The following PPP2R2C variants were observed in gnomAD, a reference collection of about 807,000 sequenced individuals.
PPP2R2C encodes the protein protein phosphatase 2, regulatory subunit B, gamma.
A neutral mutation model predicts 45.3 loss-of-function variants in PPP2R2C; 10 were observed. The observed-to-expected ratio is 0.22, with a 90% CI of 0.14 to 0.37. PPP2R2C has a LOEUF of 0.37. Among genes scored for constraint, PPP2R2C ranks in the 10% least tolerant of loss-of-function variants. PPP2R2C has a pLI of 1.00. For missense variants in PPP2R2C, 308 were observed against 619.7 expected (o/e 0.50, Z 5.34); for synonymous variants, 257 against 245.4 (o/e 1.05, Z -0.44).
chr4:6,438,905 G>C lies in PPP2R2C; in HGVS notation c.70+33255C>G, dbSNP rs147860006. ...TGGTATCCAGGTGTTCCCTGACACA[G>C]TGCGGGCACAGAGCAGGAGACAGAG... On this transcript the variant is annotated intron_variant, in intron 1 of 8. Transcript: ENST00000382599. 8.2e-4 allele frequency among the ~76,000 whole-genome samples: 125 copies of C among 152,306 alleles called. 1 individual carries two copies. Among genetic ancestry groups the C allele is most frequent in the African/African-American group, 2.8e-3 (117 of 41,564 alleles).
intron 2 of PPP2R2C, among the ~76,000 whole-genome samples, chr4:6,479,842 G>C (rs1345443821): frequency 6.6e-6 from 1 of 150,898 alleles, no homozygotes; most frequent in African/African-American, 2.4e-5. Context: ...ATCAATATTA[G>C]CATTGACATA....
intron 1 of PPP2R2C, among the ~76,000 whole-genome samples, chr4:6,387,502 C>T (rs753058097): frequency 1.3e-5 from 2 of 152,074 alleles, no homozygotes; most frequent in African/African-American, 2.4e-5. Flanking sequence ...TGAATTCAGT[C>T]GAAATATTCG....
intron 2 of PPP2R2C, among the ~76,000 whole-genome samples, chr4:6,506,228 G>A (rs1723225858): frequency 6.6e-6 from 1 of 152,114 alleles, no homozygotes; most frequent in East Asian, 1.9e-4. Flanking sequence ...TTTTTTCTGA[G>A]GTGATAAAAA....
At chr4:6,334,426 T>C (rs963167794) in intron 6 of PPP2R2C, among the ~76,000 whole-genome samples, 4 of 152,174 alleles carry the variant, frequency 2.6e-5, no homozygotes, top group African/African-American at 4.8e-5. Flanking sequence ...TGGACAATTA[T>C]AGACTGGGAC....
At chr4:6,548,237 G>GAAC (rs1725059570) in intron 1 of PPP2R2C, among the ~76,000 whole-genome samples, 1 of 151,784 alleles carries the variant, frequency 6.6e-6, no homozygotes, top group Non-Finnish European at 1.5e-5. Flanking sequence ...AGAAGAAGAA[G>GAAC]AAGAAGAAGA....
At chr4:6,350,088 G>C (rs1404723491) in intron 5 of PPP2R2C, 1 of 985,296 alleles carries the variant, frequency 1.0e-6, no homozygotes, top group Non-Finnish European at 1.2e-6. Flanking sequence ...AGGGAAAAAT[G>C]AGTTAAGGCA....
intron 1 of PPP2R2C, among the ~76,000 whole-genome samples, chr4:6,421,596 C>T (rs554967246): frequency 2.6e-5 from 4 of 152,102 alleles, no homozygotes; most frequent in Non-Finnish European, 5.9e-5. Flanking sequence ...CTGGAATGCT[C>T]ACGGGCAGAT....
intron 1 of PPP2R2C, among the ~76,000 whole-genome samples, chr4:6,426,520 A>G (rs1175034824): frequency 6.6e-6 from 1 of 152,200 alleles, no homozygotes; most frequent in African/African-American, 2.4e-5. Context: ...GTGCAGGGAA[A>G]TGTGTAATCA....
chr4:6,413,529 C>T lies in PPP2R2C; in HGVS notation c.71-32435G>A, dbSNP rs144527296. Among the ~76,000 whole-genome samples the T allele has an allele frequency of 6.4e-3, 978 of 152,292 alleles. 7 individuals are homozygous for T. The highest frequency in any genetic ancestry group is 0.022 in the African/African-American group (906 of 41,552). On this transcript the variant is annotated intron_variant, in intron 1 of 8. Transcript: ENST00000382599. ...CATCTCAGCCGGTAATTAAACCTGC[C>T]GGGCAGATGCTGGTGGGTGTGCATC...
intron 6 of PPP2R2C, among the ~76,000 whole-genome samples, chr4:6,343,793 T>C (rs527562922): frequency 6.6e-6 from 1 of 152,356 alleles, no homozygotes; most frequent in Non-Finnish European, 1.5e-5. Flanking sequence ...GGAGCAGATA[T>C]ATTACATCAA....
intron 1 of PPP2R2C, among the ~76,000 whole-genome samples, chr4:6,449,646 A>G (rs1400368165): frequency 6.6e-6 from 1 of 152,220 alleles, no homozygotes; most frequent in East Asian, 1.9e-4. Context: ...GCAGGAAAAC[A>G]AATCTCTAAG....
At chr4:6,470,417 A>T (rs1721806230) in intron 1 of PPP2R2C, among the ~76,000 whole-genome samples, 1 of 152,218 alleles carries the variant, frequency 6.6e-6, no homozygotes, top group African/African-American at 2.4e-5. Context: ...CAGGGTGCAG[A>T]GGGAATTAAT....
intron 1 of PPP2R2C, among the ~76,000 whole-genome samples, chr4:6,562,836 C>T (rs1725622459): frequency 6.6e-6 from 1 of 152,096 alleles, no homozygotes; most frequent in African/African-American, 2.4e-5. Context: ...TGTGTGGTCC[C>T]TGTCCCTGGG....
intron 1 of PPP2R2C, among the ~76,000 whole-genome samples, chr4:6,554,926 G>GGAAGGAAA (rs1239086605): frequency 1.1e-5 from 1 of 95,044 alleles, no homozygotes; most frequent in African/African-American, 4.0e-5. Flanking sequence ...AAGGAAGGAA[G>GGAAGGAAA]GAAGGAAAGA....
chr4:6,326,631 C>T (rs574284612), intron 8 of PPP2R2C, among the ~76,000 whole-genome samples: 50 of 152,350 alleles, frequency 3.3e-4, no homozygotes, highest in Admixed American at 1.8e-3. Context: ...CACATGGTCT[C>T]ATCCCCAAAG....
intron 1 of PPP2R2C, among the ~76,000 whole-genome samples, chr4:6,541,636 T>A (rs970879033): frequency 2.0e-5 from 3 of 152,154 alleles, no homozygotes; most frequent in Admixed American, 6.5e-5. Flanking sequence ...AACCTCTGCC[T>A]CCCAGGTCAA....
At chr4:6,344,267 T>G (rs889981430) in intron 6 of PPP2R2C, among the ~76,000 whole-genome samples, 1 of 152,198 alleles carries the variant, frequency 6.6e-6, no homozygotes, top group Non-Finnish European at 1.5e-5. Flanking sequence ...CCCTGGGAGC[T>G]GGGGGTGAAG....
chr4:6,356,744 T>C (rs1281781378), intron 5 of PPP2R2C, among the ~76,000 whole-genome samples: 1 of 152,108 alleles, frequency 6.6e-6, no homozygotes, highest in Non-Finnish European at 1.5e-5. Context: ...GACCCTGGGT[T>C]CCAGCCTCAA....
Position 6,472,224 on chromosome 4 carries a change from G to A in PPP2R2C, c.6C>T (p.Gly2=). 2 of 1,612,914 alleles carry A rather than the reference G, an allele frequency of 1.2e-6. No homozygotes were observed. Among genetic ancestry groups the A allele is most frequent in the Non-Finnish European group, 8.5e-7 (1 of 1,179,226 alleles). M[G]EDTDTRKINH... ...TAATTTTCCGCGTGTCCGTGTCCTC[G>A]CCCATTGAAGGCCGTGCCCGGTGCT... is the stretch of plus-strand genomic sequence containing the variant. Residue 2 remains glycine (G), a synonymous_variant, in exon 1 of 9, where the codon GGC becomes GGT. Transcript: ENST00000382599.
Sources: gnomAD v4.1 joint callset for allele counts (sites outside exome capture counted in the v4.1 genomes callset) on GRCh38, gnomAD v4.1.1 for gene constraint, MANE v1.5 for transcripts, NCBI Gene and HGNC (gene_info 2026-07-23, HGNC 2026-07-21) for gene names.